Variants in BBX observed in about 807,000 individuals in gnomAD.
BBX encodes the protein BBX high mobility group box domain containing, also known as HMG box transcription factor BBX.
In BBX, 30 loss-of-function variants were observed where a neutral mutation model predicts 100.2. The observed-to-expected ratio is 0.30, with a 90% confidence interval of 0.22 to 0.41. The LOEUF is 0.41. BBX is among the 10% of genes least tolerant of loss of function. The pLI, the probability that BBX is intolerant of heterozygous loss-of-function variation, is 1.00. For missense variants in BBX, 1,023 were observed against 1,129.8 expected, an observed-to-expected ratio of 0.91 and a Z score of 1.35; for synonymous variants, 376 against 388.1, an observed-to-expected ratio of 0.97 and a Z score of 0.37.
intron 2 of BBX, among the ~76,000 whole-genome samples, chr3:107,620,964 T>G: frequency 6.6e-6 from 1 of 150,990 alleles, no homozygotes; most frequent in Non-Finnish European, 1.5e-5. Flanking sequence ...GGGGAGAAAA[T>G]CGGAGGTCAC....
At chr3:107,764,289 G>A (rs895676549) in intron 10 of BBX, among the ~76,000 whole-genome samples, 2 of 152,222 alleles carry the variant, frequency 1.3e-5, no homozygotes, top group Admixed American at 1.3e-4. Context: ...ACCACGCCCA[G>A]CCAGCATTGT....
rs551755323 is a variant in BBX, at chr3:107,773,241, C to T, written c.1520C>T (p.Pro507Leu). Residue 507 changes from proline (P) to leucine (L), a missense_variant, in exon 11 of 18, where the codon CCT becomes CTT. By Grantham distance (98) the Pro-to-Leu change is moderately conservative. Coordinates refer to ENST00000325805, the MANE Select transcript of BBX (RefSeq NM_001142568.3). The surrounding 1 kb of genome is among the most constrained non-coding windows in gnomAD (Gnocchi z 4.1). ...GGCATAGAGAAACTTGGAGATACCC[C>T]TCGCAAGAAGGTCCGCACATCCTCA... ...DWGIEKLGDT[P>L]RKKVRTSSSG... 6 of 1,614,002 alleles carry T rather than the reference C, an allele frequency of 3.7e-6. No individual in the cohort carries two copies. In the Admixed American group the frequency reaches 1.0e-4, roughly 27 times the overall value.
At chr3:107,726,814 C>A (rs1372111428) in intron 5 of BBX, among the ~76,000 whole-genome samples, 1 of 152,086 alleles carries the variant, frequency 6.6e-6, no homozygotes, top group African/African-American at 2.4e-5. Context: ...ATACTCTTCT[C>A]TCTCCCCAAT....
chr3:107,581,442 T>G (rs527352691), intron 2 of BBX, among the ~76,000 whole-genome samples: 1 of 152,016 alleles, frequency 6.6e-6, no homozygotes, highest in Non-Finnish European at 1.5e-5. Flanking sequence ...ATTTGTGTCA[T>G]GTTCCTACCA....
chr3:107,677,303 T>A (rs547435413), intron 3 of BBX: 112 of 152,312 alleles, frequency 7.4e-4, no homozygotes, highest in African/African-American at 2.5e-3. Flanking sequence ...TAGGGCATTG[T>A]GCTTGTGGCA....
At chr3:107,670,947 A>G (rs1029084725) in intron 3 of BBX, among the ~76,000 whole-genome samples, 2 of 152,098 alleles carry the variant, frequency 1.3e-5, no homozygotes, top group Admixed American at 1.3e-4. Flanking sequence ...TTTTTCCTAA[A>G]AACAATTTTA....
chr3:107,761,322 T>C (rs2065884266), intron 10 of BBX, among the ~76,000 whole-genome samples: 1 of 152,162 alleles, frequency 6.6e-6, no homozygotes, highest in East Asian at 1.9e-4. Flanking sequence ...CAAATAAATA[T>C]ATACTTGAAA....
intron 2 of BBX, among the ~76,000 whole-genome samples, chr3:107,551,887 A>G (rs1449871599): frequency 6.6e-6 from 1 of 152,168 alleles, no homozygotes; most frequent in African/African-American, 2.4e-5. Flanking sequence ...CAAGTTCCAG[A>G]CTATTATCCT....
chr3:107,627,857 T>G (rs901628142), intron 2 of BBX, among the ~76,000 whole-genome samples: 3 of 152,108 alleles, frequency 2.0e-5, no homozygotes, highest in Admixed American at 6.5e-5. Flanking sequence ...GAATTTTTCT[T>G]TAGTATCTGA....
At chr3:107,575,850 A>T (rs1308438553) in intron 2 of BBX, among the ~76,000 whole-genome samples, 1 of 152,166 alleles carries the variant, frequency 6.6e-6, no homozygotes, top group Non-Finnish European at 1.5e-5. Flanking sequence ...TGCTGTCTTC[A>T]GGTCTTTCTT....
chr3:107,713,829 G>A, intron 4 of BBX, among the ~76,000 whole-genome samples: 1 of 151,960 alleles, frequency 6.6e-6, no homozygotes, highest in African/African-American at 2.4e-5. Flanking sequence ...TTGTCGAACT[G>A]CAAGTTAATG....
Position 107,730,046 on chromosome 3 carries a change from G to A in BBX, c.601+1086G>A, listed in dbSNP as rs149593663. Among the ~76,000 whole-genome samples, 320 of 152,140 alleles carry A rather than the reference G, an allele frequency of 2.1e-3. 1 individual carries two copies. The highest frequency in any genetic ancestry group is 6.8e-3 in the Middle Eastern group (2 of 294). ...AGGCTGCAGTGAGCTGTGACCTCAC[G>A]ACTGCACTCCATCCTGGGCGACAGA... is the stretch of plus-strand genomic sequence containing the variant. On this transcript the variant is annotated intron_variant, in intron 6 of 17. Transcript: ENST00000325805.
intron 2 of BBX, among the ~76,000 whole-genome samples, chr3:107,618,161 A>G (rs544490064): frequency 3.0e-4 from 45 of 152,072 alleles, no homozygotes. Flanking sequence ...TCCTGTTAAT[A>G]TGGTGGAGTA....
At chr3:107,708,185 C>T (rs182484306) in intron 3 of BBX, among the ~76,000 whole-genome samples, 91 of 152,190 alleles carry the variant, frequency 6.0e-4, no homozygotes, top group African/African-American at 2.1e-3. Context: ...TATCAATTCA[C>T]AAGAAATCTT....
At chr3:107,748,360 G>A (rs1436147720) in intron 9 of BBX, among the ~76,000 whole-genome samples, 1 of 152,088 alleles carries the variant, frequency 6.6e-6, no homozygotes, top group Non-Finnish European at 1.5e-5. Flanking sequence ...AATGTCAGAG[G>A]CTTTCGATTT....
At chr3:107,674,713 G>A (rs1258306820) in intron 3 of BBX, 2 of 152,624 alleles carry the variant, frequency 1.3e-5, no homozygotes, top group Non-Finnish European at 2.9e-5. Flanking sequence ...CATCTAAAGA[G>A]ACTTTCTCAA....
intron 2 of BBX, among the ~76,000 whole-genome samples, chr3:107,562,515 A>G (rs1400724957): frequency 6.6e-6 from 1 of 152,186 alleles, no homozygotes; most frequent in Non-Finnish European, 1.5e-5. Flanking sequence ...TAATTCATTT[A>G]GTTTTGACAG....
At chr3:107,596,031 C>T (rs1461747648) in intron 2 of BBX, among the ~76,000 whole-genome samples, 1 of 152,108 alleles carries the variant, frequency 6.6e-6, no homozygotes, top group African/African-American at 2.4e-5. Context: ...TGTGAGTTTT[C>T]ACAAATTGTC....
At position 107,692,850 on chromosome 3, in the gene BBX, C is replaced by T. The variant is rs1413730093; in HGVS notation, c.-9-17602C>T. 6.2e-3 allele frequency among the ~76,000 whole-genome samples: 923 copies of T among 149,546 alleles called. 10 individuals carry two copies. The highest frequency in any genetic ancestry group is 0.021 in the African/African-American group (877 of 40,836). Reference sequence around the variant, plus strand: ...GTGTTCCTATTTCTCCACATCCTCTCCAGCACCTGTTGTTTCCTGACTTTT... The same window carrying T: ...GTGTTCCTATTTCTCCACATCCTCTTCAGCACCTGTTGTTTCCTGACTTTT... On this transcript the variant is annotated intron_variant, in intron 3 of 17. Coordinates refer to ENST00000325805, the MANE Select transcript of BBX (RefSeq NM_001142568.3).
Sources: allele counts gnomAD v4.1 joint callset (sites outside exome capture counted in the v4.1 genomes callset), GRCh38; gene constraint gnomAD v4.1.1; non-coding constraint Gnocchi (gnomAD v3.1); transcripts MANE v1.5; gene names NCBI Gene and HGNC (gene_info 2026-07-23, HGNC 2026-07-21).